The following CDK6 variants were observed in gnomAD, a reference collection of about 807,000 sequenced individuals.
CDK6 encodes the protein cyclin-dependent kinase 6.
A neutral mutation model predicts 37.1 loss-of-function variants in CDK6; 6 were observed. The observed-to-expected ratio is 0.16, with a 90% CI of 0.09 to 0.32. The LOEUF (loss-of-function observed/expected upper bound fraction) is 0.32, where lower values mean the gene tolerates loss of function less well. CDK6 is among the 10% of genes least tolerant of loss of function. The probability of loss-of-function intolerance (pLI) is 1.00; values close to 1 mark genes in which losing one functional copy is unlikely to be tolerated. For synonymous variants in CDK6, 160 were observed against 161.3 expected, an observed-to-expected ratio of 0.99 and a Z score of 0.06; for missense variants, 224 against 418.9, an observed-to-expected ratio of 0.53 and a Z score of 4.06.
chr7:92,616,257 C>T (rs1162565597), intron 7 of CDK6, among the ~76,000 whole-genome samples: 1 of 152,220 alleles, frequency 6.6e-6, no homozygotes, highest in Non-Finnish European at 1.5e-5. Flanking sequence ...TCTGCATAAC[C>T]ATGATATTAA....
At chr7:92,678,467 A>G (rs1041573531) in intron 4 of CDK6, among the ~76,000 whole-genome samples, 6 of 152,304 alleles carry the variant, frequency 3.9e-5, no homozygotes, top group African/African-American at 4.8e-5. Flanking sequence ...TATTTACACA[A>G]GTGGATGTAT....
chr7:92,688,302 C>G (rs931153555), intron 4 of CDK6, among the ~76,000 whole-genome samples: 1 of 152,144 alleles, frequency 6.6e-6, no homozygotes, highest in African/African-American at 2.4e-5. Context: ...ACTTTCTATA[C>G]TTTTGACTGA....
At chr7:92,816,584 T>A (rs779435799) in intron 2 of CDK6, among the ~76,000 whole-genome samples, 1 of 152,012 alleles carries the variant, frequency 6.6e-6, no homozygotes, top group Non-Finnish European at 1.5e-5. Flanking sequence ...ATAACCCAAA[T>A]TGAATGAAAA....
At chr7:92,741,679 A>G (rs1798929507) in intron 3 of CDK6, among the ~76,000 whole-genome samples, 1 of 152,174 alleles carries the variant, frequency 6.6e-6, no homozygotes, top group African/African-American at 2.4e-5. Context: ...GTTAGTAGCC[A>G]GCAGTCTTTA....
chr7:92,700,557 G>T (rs950496863), intron 4 of CDK6, among the ~76,000 whole-genome samples: 11 of 152,228 alleles, frequency 7.2e-5, no homozygotes, highest in African/African-American at 2.7e-4. Flanking sequence ...ACCCAGAAGG[G>T]AATGACTGGA....
At chr7:92,693,372 C>T (rs1225229142) in intron 4 of CDK6, among the ~76,000 whole-genome samples, 1 of 152,126 alleles carries the variant, frequency 6.6e-6, no homozygotes, top group African/African-American at 2.4e-5. Context: ...GTCTCATATG[C>T]CACAAGTTCT....
At chr7:92,797,778 AG>A (rs1800452573) in intron 2 of CDK6, among the ~76,000 whole-genome samples, 1 of 152,312 alleles carries the variant, frequency 6.6e-6, no homozygotes, top group South Asian at 2.1e-4. Flanking sequence ...GCTAATTGTT[AG>A]TTTGGTTTAT....
chr7:92,648,146 G>T (rs1233279084), intron 5 of CDK6, among the ~76,000 whole-genome samples: 1 of 152,026 alleles, frequency 6.6e-6, no homozygotes. Context: ...GGTGTCATCT[G>T]CCCCCCTTCT....
At chr7:92,648,255 G>T (rs1796495211) in intron 5 of CDK6, among the ~76,000 whole-genome samples, 1 of 152,182 alleles carries the variant, frequency 6.6e-6, no homozygotes, top group Admixed American at 6.5e-5. Context: ...TAACCCAAGA[G>T]TCTTGTGTCT....
rs140409009 is a variant in CDK6 at position 92,615,172 on chromosome 7, T to A, written c.949A>T (p.Ser317Cys). 2.5e-3 allele frequency: 3,966 copies of A among 1,614,022 alleles called. 18 individuals are homozygous for A. Among genetic ancestry groups the A allele is most frequent in the South Asian group, 9.2e-3 (834 of 91,064 alleles). The change falls in exon 8 of 8, where the codon AGC becomes TGC. Residue 317 changes from serine (S) to cysteine (C), a missense_variant. Ser to Cys is a moderately radical substitution (Grantham distance 112). Coordinates refer to ENST00000424848, the MANE Select transcript of CDK6 (RefSeq NM_001145306.2). ...GTATTCAGCTCCGAGGTGTTCTGGC[T>A]GGGCGGCAGGTGGGAATCCAGGTTT... Reference protein sequence around the residue: ...KENLDSHLPPSQNTSELNTA With the variant: ...KENLDSHLPPCQNTSELNTA
Position 92,615,088 on chromosome 7 carries a change from A to T in CDK6, c.*52T>A. 1 of 1,600,856 alleles carries T rather than the reference A, an allele frequency of 6.2e-7. No individual in the cohort carries two copies. The highest frequency in any genetic ancestry group is 2.2e-5 in the East Asian group (1 of 44,762). ...GTAGGGCTTGCTGAGGGGGACCCAT[A>T]AGCCACCAAGGGTGTTCTCCGCAGG... On this transcript the variant is annotated 3_prime_UTR_variant, in exon 8 of 8. Transcript: ENST00000424848.
chr7:92,650,421 G>GTT (rs199895249), intron 5 of CDK6, among the ~76,000 whole-genome samples: 1 of 150,872 alleles, frequency 6.6e-6, no homozygotes, highest in Non-Finnish European at 1.5e-5. Flanking sequence ...ATCTTTTGTT[G>GTT]TTTTTTTTTG....
At chr7:92,696,675 T>TG (rs1175366934) in intron 4 of CDK6, among the ~76,000 whole-genome samples, 1 of 152,186 alleles carries the variant, frequency 6.6e-6, no homozygotes, top group Non-Finnish European at 1.5e-5. Flanking sequence ...CTTTGGTCTA[T>TG]GAGAAATTTT....
intron 5 of CDK6, among the ~76,000 whole-genome samples, chr7:92,641,251 T>C (rs1344944234): frequency 1.3e-5 from 2 of 152,216 alleles, no homozygotes; most frequent in African/African-American, 4.8e-5. Context: ...AGTTTTAGCA[T>C]CATCCATTGA....
Position 92,782,706 on chromosome 7 carries a change from AGT to A in CDK6, c.234-7877_234-7876del, listed in dbSNP as rs200715577. On this transcript the variant is annotated intron_variant, in intron 2 of 7. Transcript: ENST00000424848. ...AGACATTATTTCCACACCTGGGCCC[AGT>A]GTGTTTGATCTACCCCTGGATTTAT... 6.2e-3 allele frequency among the ~76,000 whole-genome samples: 944 copies of A among 152,258 alleles called. 2 individuals are homozygous for A. Among genetic ancestry groups the A allele is most frequent in the Non-Finnish European group, 0.011 (729 of 68,028 alleles).
chr7:92,708,716 T>C (rs1222518105), intron 4 of CDK6, among the ~76,000 whole-genome samples: 1 of 152,214 alleles, frequency 6.6e-6, no homozygotes, highest in African/African-American at 2.4e-5. Flanking sequence ...TGAATTACAA[T>C]TGGGATAAAC....
chr7:92,802,006 CCCTTCCCTCCTT>C (rs1800591116), intron 2 of CDK6, among the ~76,000 whole-genome samples: 1 of 140,952 alleles, frequency 7.1e-6, no homozygotes, highest in Non-Finnish European at 1.5e-5. Context: ...CTCCCTCCCT[CCCTTCCCTCCTT>C]CCTTTCCTCA....
Position 92,671,416 on chromosome 7 carries a change from T to C in CDK6, c.647+10A>G, listed in dbSNP as rs1180441248. On this transcript the variant is annotated intron_variant, in intron 5 of 7. Coordinates refer to ENST00000424848, the MANE Select transcript of CDK6 (RefSeq NM_001145306.2). ...AAGGAAAGCAGAGTGAAACAAAATG[T>C]ATTTCTTACTTTCTACGAAACATTT... 4 of 1,496,244 alleles carry C rather than the reference T, an allele frequency of 2.7e-6. No individual in the cohort carries two copies. Among genetic ancestry groups the C allele is most frequent in the South Asian group, 1.3e-5 (1 of 77,504 alleles). 92.7% of individuals were successfully genotyped at this position (1,496,244 alleles called of 1,614,324 possible).
chr7:92,703,178 G>A (rs1797895214), intron 4 of CDK6, among the ~76,000 whole-genome samples: 1 of 152,048 alleles, frequency 6.6e-6, no homozygotes, highest in Non-Finnish European at 1.5e-5. Flanking sequence ...CACGAGAACT[G>A]TGATGGGTGA....
Sources: allele counts gnomAD v4.1 joint callset (sites outside exome capture counted in the v4.1 genomes callset), GRCh38; gene constraint gnomAD v4.1.1; transcripts MANE v1.5; gene names NCBI Gene and HGNC (gene_info 2026-07-23, HGNC 2026-07-21).